Variants in ULK4 observed in about 807,000 individuals in gnomAD.
ULK4 encodes the protein inactive serine/threonine-protein kinase ULK4.
In ULK4, 133 loss-of-function variants were observed where a neutral mutation model predicts 160.6. The observed-to-expected ratio is 0.83, with a 90% CI of 0.72 to 0.96. ULK4 has a LOEUF of 0.96. ULK4 is among the 40% of genes least tolerant of loss of function. The pLI is 0.00. For synonymous variants in ULK4, 534 were observed against 539.8 expected, an observed-to-expected ratio of 0.99 and a Z score of 0.15; for missense variants, 1,580 against 1,499.5, an observed-to-expected ratio of 1.05 and a Z score of -0.89.
chr3:41,608,276 ATTC>A (rs146677145), intron 31 of ULK4, among the ~76,000 whole-genome samples: 160 of 152,296 alleles, frequency 1.1e-3, no homozygotes, highest in African/African-American at 3.8e-3. Flanking sequence ...AAGCACATAA[ATTC>A]TTCTTTTTCT....
intron 35 of ULK4, among the ~76,000 whole-genome samples, chr3:41,258,974 A>C (rs1445615111): frequency 4.0e-5 from 6 of 150,060 alleles, no homozygotes; most frequent in African/African-American, 1.5e-4. Context: ...ATATATGTGT[A>C]TATATATACA....
At chr3:41,413,609 C>T (rs2082457780) in intron 34 of ULK4, among the ~76,000 whole-genome samples, 1 of 152,142 alleles carries the variant, frequency 6.6e-6, no homozygotes, top group South Asian at 2.1e-4. Flanking sequence ...AACCCTTAAC[C>T]AGAAAATCTT....
chr3:41,697,490 A>C (rs913947923), intron 27 of ULK4, among the ~76,000 whole-genome samples: 1 of 152,214 alleles, frequency 6.6e-6, no homozygotes, highest in Non-Finnish European at 1.5e-5. Context: ...AGAACTGTAC[A>C]ACGTGTGTTT....
intron 17 of ULK4, among the ~76,000 whole-genome samples, chr3:41,857,337 A>G (rs528954473): frequency 4.1e-4 from 63 of 152,296 alleles, no homozygotes; most frequent in Non-Finnish European, 7.6e-4. Flanking sequence ...TGCTGAATTC[A>G]GTTTCCTAGT....
intron 32 of ULK4, among the ~76,000 whole-genome samples, chr3:41,547,161 G>C (rs1036587389): frequency 6.6e-6 from 1 of 152,064 alleles, no homozygotes; most frequent in Non-Finnish European, 1.5e-5. Flanking sequence ...GTAGGTTCAA[G>C]GTAACATCAA....
intron 33 of ULK4, 82 bp from the exon 34 acceptor site, chr3:41,455,677 C>G: frequency 8.1e-7 from 1 of 1,239,140 alleles, no homozygotes; most frequent in Non-Finnish European, 1.2e-6. Flanking sequence ...CTCCATCGGG[C>G]AGACACAAGG....
At chr3:41,671,985 A>G (rs2035556307) in intron 29 of ULK4, among the ~76,000 whole-genome samples, 1 of 152,184 alleles carries the variant, frequency 6.6e-6, no homozygotes, top group Non-Finnish European at 1.5e-5. Flanking sequence ...AATGCTCAAC[A>G]TCACTTCATC....
In ULK4 at chr3:41,882,399, A is replaced by G. The variant is rs548789256; in HGVS notation, c.1656+1475T>C. 7 of 648,764 alleles carry G rather than the reference A, an allele frequency of 1.1e-5. No individual in the cohort carries two copies. In the Middle Eastern group the frequency reaches 1.6e-3, roughly 151 times the overall value. 40.2% of individuals were successfully genotyped at this position (648,764 alleles called of 1,614,324 possible). A position where few individuals can be genotyped will look rare whatever the true frequency, so the allele number is the denominator to read the frequency against. ...GGGTGGTCGTAGTATTCTTTTCTAT[A>G]AGTTGATCATCTCAATTCAGACTAG... is the stretch of plus-strand genomic sequence containing the variant. On this transcript the variant is annotated intron_variant, in intron 17 of 36. Transcript: ENST00000301831.
chr3:41,841,724 G>C (rs1469616455), intron 17 of ULK4, among the ~76,000 whole-genome samples: 1 of 152,126 alleles, frequency 6.6e-6, no homozygotes. Context: ...AAAAGAAAGA[G>C]AGATCAGATT....
intron 4 of ULK4, 38 bp from the exon 5 acceptor site, chr3:41,932,044 A>C: frequency 6.3e-7 from 1 of 1,594,050 alleles, no homozygotes; most frequent in Non-Finnish European, 8.6e-7. Context: ...AAAAAAAATC[A>C]ACTTAATTTG....
At chr3:41,593,319 C>T (rs917023201) in intron 31 of ULK4, among the ~76,000 whole-genome samples, 6 of 152,152 alleles carry the variant, frequency 3.9e-5, no homozygotes, top group Non-Finnish European at 7.4e-5. Flanking sequence ...TGATGCGCAT[C>T]TCTTTAGTGA....
intron 32 of ULK4, among the ~76,000 whole-genome samples, chr3:41,545,583 G>A (rs955687656): frequency 2.0e-5 from 3 of 152,070 alleles, no homozygotes; most frequent in Non-Finnish European, 1.5e-5. Context: ...TTAGGAGTTT[G>A]ACTATCGTGT....
At chr3:41,574,812 C>T (rs1283188342) in intron 31 of ULK4, among the ~76,000 whole-genome samples, 1 of 152,280 alleles carries the variant, frequency 6.6e-6, no homozygotes, top group East Asian at 1.9e-4. Context: ...TCCCAAAGTG[C>T]TGGGATTACA....
intron 30 of ULK4, among the ~76,000 whole-genome samples, chr3:41,626,887 G>A (rs2033540749): frequency 6.6e-6 from 1 of 152,072 alleles, no homozygotes; most frequent in African/African-American, 2.4e-5. Context: ...GGTGGCCTTG[G>A]TCTTTCTCTA....
At chr3:41,619,789 G>T (rs924182304) in intron 30 of ULK4, among the ~76,000 whole-genome samples, 1 of 152,102 alleles carries the variant, frequency 6.6e-6, no homozygotes, top group Non-Finnish European at 1.5e-5. Context: ...GAAAGAGATG[G>T]AGACACGAAA....
intron 35 of ULK4, among the ~76,000 whole-genome samples, chr3:41,323,215 G>C (rs2080276235): frequency 6.6e-6 from 1 of 152,018 alleles, no homozygotes; most frequent in Non-Finnish European, 1.5e-5. Flanking sequence ...GGGATTACAG[G>C]CATGAGCCAC....
intron 34 of ULK4, among the ~76,000 whole-genome samples, chr3:41,418,430 T>G (rs1277688272): frequency 1.3e-5 from 2 of 151,786 alleles, no homozygotes; most frequent in African/African-American, 4.9e-5. Context: ...TCCAAAAAAT[T>G]TTTAAAAGTC....
chr3:41,605,272 T>A (rs1367128465), intron 31 of ULK4, among the ~76,000 whole-genome samples: 1 of 151,936 alleles, frequency 6.6e-6, no homozygotes, highest in Non-Finnish European at 1.5e-5. Flanking sequence ...TCAAAAATTG[T>A]ATTAAATAAT....
intron 35 of ULK4, among the ~76,000 whole-genome samples, chr3:41,338,050 A>G (rs567614794): frequency 6.6e-6 from 1 of 152,368 alleles, no homozygotes; most frequent in Non-Finnish European, 1.5e-5. Context: ...TTCTTTGCCA[A>G]GAAAGCTTTT....
Sources: gnomAD v4.1 joint callset for allele counts (sites outside exome capture counted in the v4.1 genomes callset) on GRCh38, gnomAD v4.1.1 for gene constraint, MANE v1.5 for transcripts, NCBI Gene and HGNC (gene_info 2026-07-23, HGNC 2026-07-21) for gene names.